Variants in SNX2 observed in about 807,000 individuals in gnomAD.
SNX2 encodes sorting nexin 2, also known as sorting nexin-2.
In SNX2, 25 loss-of-function variants were observed where a neutral mutation model predicts 69.9. The observed-to-expected ratio is 0.36, with a 90% CI of 0.26 to 0.50. The LOEUF (loss-of-function observed/expected upper bound fraction) is 0.50, where lower values mean the gene tolerates loss of function less well. Among genes scored for constraint, SNX2 ranks in the 20% least tolerant of loss-of-function variants. The probability of loss-of-function intolerance (pLI) is 0.97; values close to 1 mark genes in which losing one functional copy is unlikely to be tolerated. For synonymous variants in SNX2, 229 were observed against 200.4 expected, an observed-to-expected ratio of 1.14 and a Z score of -1.20; for missense variants, 551 against 613.3, an observed-to-expected ratio of 0.90 and a Z score of 1.07.
intron 6 of SNX2, chr5:122,803,823 T>A (rs1753568889): frequency 2.1e-6 from 1 of 474,048 alleles, no homozygotes; most frequent in African/African-American, 2.0e-5. Context: ...GGATTTTTGT[T>A]TATGTAATAC....
chr5:122,822,337 C>T (rs1754043348), intron 11 of SNX2, among the ~76,000 whole-genome samples: 1 of 152,178 alleles, frequency 6.6e-6, no homozygotes, highest in African/African-American at 2.4e-5. Context: ...CTCACCTCGG[C>T]GTCCCAAAGC....
chr5:122,824,782 A>C (rs1280219842), intron 11 of SNX2, among the ~76,000 whole-genome samples: 2 of 152,234 alleles, frequency 1.3e-5, no homozygotes, highest in Non-Finnish European at 2.9e-5. Context: ...ACTTTGGTAT[A>C]GAAAGCTTAA....
At chr5:122,782,373 G>A (rs1752997558) in intron 1 of SNX2, among the ~76,000 whole-genome samples, 1 of 151,350 alleles carries the variant, frequency 6.6e-6, no homozygotes, top group South Asian at 2.1e-4. Context: ...TGAATAGCTG[G>A]GATTACAGGC....
chr5:122,819,979 A>G (rs1753983636), intron 11 of SNX2, among the ~76,000 whole-genome samples: 1 of 152,032 alleles, frequency 6.6e-6, no homozygotes, highest in African/African-American at 2.4e-5. Flanking sequence ...TTTTACTTGT[A>G]TTTTACCGTT....
At chr5:122,825,992 T>G in intron 11 of SNX2, 58 bp from the exon 12 acceptor site, 3 of 1,510,314 alleles carry the variant, frequency 2.0e-6, no homozygotes, top group East Asian at 2.3e-5. Flanking sequence ...ACTTCTAGTG[T>G]TAAGAAAGTA....
chr5:122,826,709 A>C, intron 12 of SNX2: 3 of 863,226 alleles, frequency 3.5e-6, no homozygotes, highest in Non-Finnish European at 4.2e-6. Flanking sequence ...AGTATGTACC[A>C]GTGTTTTGGT....
At chr5:122,803,855 G>C (rs1753569266) in intron 6 of SNX2, 2 of 325,358 alleles carry the variant, frequency 6.1e-6, no homozygotes, top group Non-Finnish European at 1.1e-5. Flanking sequence ...ATATTGGGTA[G>C]AGGCCGTGTG....
chr5:122,799,661 T>G (rs1172794645), intron 2 of SNX2, 31 bp from the exon 3 acceptor site: 18 of 1,579,994 alleles, frequency 1.1e-5, no homozygotes, highest in Non-Finnish European at 1.5e-5. Flanking sequence ...CTTGCCAGTG[T>G]TCTTAACTAA....
At chr5:122,809,499 A>G (rs919802596) in intron 7 of SNX2, among the ~76,000 whole-genome samples, 1 of 152,240 alleles carries the variant, frequency 6.6e-6, no homozygotes, top group Non-Finnish European at 1.5e-5. Flanking sequence ...CTTCCTTGCT[A>G]TGCTGACAAA....
intron 5 of SNX2, among the ~76,000 whole-genome samples, chr5:122,803,055 G>A (rs1033082077): frequency 6.6e-6 from 1 of 152,178 alleles, no homozygotes; most frequent in African/African-American, 2.4e-5. Context: ...GGGTATAGTA[G>A]TAAACAATAC....
At position 122,799,913 on chromosome 5, in the gene SNX2, A is replaced by C. The variant is rs115292583; in HGVS notation, c.390+58A>C. 6.8e-6 allele frequency: 9 copies of C among 1,317,224 alleles called. No homozygotes were observed. The African/African-American group carries it at 8.9e-5, about 13-fold the overall frequency. 81.6% of individuals were successfully genotyped at this position (1,317,224 alleles called of 1,614,324 possible). A position where few individuals can be genotyped will look rare whatever the true frequency, so the allele number is the denominator to read the frequency against. On this transcript the variant is annotated intron_variant, in intron 3 of 14. Coordinates refer to ENST00000379516, the MANE Select transcript of SNX2 (RefSeq NM_003100.4). ...AATATATACCTTTTTTCCCCACCCA[A>C]CATCACTCTGCTGTTAGTCATTTCT...
intron 2 of SNX2, among the ~76,000 whole-genome samples, chr5:122,797,504 G>C (rs1292002389): frequency 6.6e-6 from 1 of 152,102 alleles, no homozygotes; most frequent in Non-Finnish European, 1.5e-5. Flanking sequence ...ATTACACTTG[G>C]TTCTTATTTA....
intron 8 of SNX2, 33 bp downstream of exon 8, chr5:122,816,004 A>T: frequency 1.7e-6 from 2 of 1,206,598 alleles, no homozygotes; most frequent in Middle Eastern, 4.1e-4. Flanking sequence ...TTGTATATGA[A>T]TGTTCTCGTT....
intron 1 of SNX2, chr5:122,775,767 A>G (rs1352349825): frequency 1.4e-5 from 14 of 985,292 alleles, no homozygotes; most frequent in Non-Finnish European, 1.6e-5. Flanking sequence ...AAATAGGTAA[A>G]TGCATTTGCC....
rs866161724 is a variant in SNX2 at position 122,829,781 on chromosome 5, C to T, written c.*133C>T. ...AATTACATGTGGTTTTATATACACA[C>T]ACACACACACACACACACACACACA... is the stretch of plus-strand genomic sequence containing the variant. On this transcript the variant is annotated 3_prime_UTR_variant, in exon 15 of 15. Coordinates refer to ENST00000379516, the MANE Select transcript of SNX2 (RefSeq NM_003100.4). 3.9e-3 allele frequency: 627 copies of T among 161,130 alleles called. 4 individuals carry two copies. The highest frequency in any genetic ancestry group is 0.037 in the African/African-American group (565 of 15,442). The allele number at this position is 161,130 out of a possible 1,614,324, so 10.0% of individuals were successfully genotyped here. A position where few individuals can be genotyped will look rare whatever the true frequency, so the allele number is the denominator to read the frequency against.
intron 1 of SNX2, chr5:122,775,436 C>G: frequency 2.4e-6 from 3 of 1,255,908 alleles, no homozygotes; most frequent in Non-Finnish European, 3.0e-6. Context: ...CGACCTAATC[C>G]TCAGAGGGGC....
At chr5:122,784,812 T>C (rs1013604697) in intron 1 of SNX2, among the ~76,000 whole-genome samples, 25 of 152,242 alleles carry the variant, frequency 1.6e-4, no homozygotes, top group Non-Finnish European at 3.7e-4. Context: ...GAATTAGTCT[T>C]ACGTCTTCCC....
intron 11 of SNX2, among the ~76,000 whole-genome samples, chr5:122,823,319 C>G (rs570536639): frequency 2.0e-5 from 3 of 150,054 alleles, no homozygotes; most frequent in Non-Finnish European, 1.5e-5. Context: ...AGAAAACAAA[C>G]GAAGAAAAAG....
intron 1 of SNX2, among the ~76,000 whole-genome samples, chr5:122,782,005 A>G (rs1256417506): frequency 6.6e-6 from 1 of 152,136 alleles, no homozygotes; most frequent in African/African-American, 2.4e-5. Flanking sequence ...TCGCAACTCT[A>G]CCACAGAAAT....
Sources: gnomAD v4.1 joint callset for allele counts (sites outside exome capture counted in the v4.1 genomes callset) on GRCh38, gnomAD v4.1.1 for gene constraint, MANE v1.5 for transcripts, NCBI Gene and HGNC (gene_info 2026-07-23, HGNC 2026-07-21) for gene names.